CNOT10: variants seen among roughly 807,000 people sequenced by gnomAD.
The protein encoded by CNOT10 is CCR4-NOT transcription complex subunit 10.
Under a neutral mutation model 94.6 loss-of-function variants are expected in CNOT10, and 30 were observed. That is an observed-to-expected ratio of 0.32 (90% CI 0.24 to 0.43). The LOEUF is 0.43. Among genes scored for constraint, CNOT10 ranks in the 20% least tolerant of loss-of-function variants. The pLI is 1.00. For synonymous variants in CNOT10, 289 were observed against 301.6 expected, an observed-to-expected ratio of 0.96 and a Z score of 0.43; for missense variants, 759 against 877.2, an observed-to-expected ratio of 0.87 and a Z score of 1.70.
chr3:32,690,375 T>C (rs916139986), intron 1 of CNOT10, among the ~76,000 whole-genome samples: 4 of 152,036 alleles, frequency 2.6e-5, no homozygotes, highest in African/African-American at 9.7e-5. Context: ...GCTCTGAGTT[T>C]TTTGGTTTTT....
At chr3:32,723,391 CAAA>C (rs1192223954) in intron 8 of CNOT10, among the ~76,000 whole-genome samples, 2 of 80,334 alleles carry the variant, frequency 2.5e-5, no homozygotes, top group Non-Finnish European at 2.6e-5. Flanking sequence ...GACTCCGTCT[CAAA>C]AAAAAAAAAA....
chr3:32,773,400 T>A, intron 18 of CNOT10, 57 bp from the exon 19 acceptor site: 2 of 1,519,192 alleles, frequency 1.3e-6, no homozygotes, highest in Non-Finnish European at 1.8e-6. Flanking sequence ...CATGTCTTGC[T>A]TTGTGTGTGG....
intron 8 of CNOT10, among the ~76,000 whole-genome samples, chr3:32,721,959 T>TA (rs138339106): frequency 0.13 from 20,117 of 152,112 alleles, 1,448 homozygotes; most frequent in South Asian, 0.19. Flanking sequence ...GCCTATTACA[T>TA]ATTCTTGCCT....
At chr3:32,700,841 GA>G (rs1472800742) in intron 1 of CNOT10, among the ~76,000 whole-genome samples, 1 of 152,180 alleles carries the variant, frequency 6.6e-6, no homozygotes, top group Non-Finnish European at 1.5e-5. Flanking sequence ...TCCTTTTAAT[GA>G]TATTTCCATT....
At chr3:32,742,984 CTTTT>C (rs11425595) in intron 13 of CNOT10, among the ~76,000 whole-genome samples, 12 of 122,722 alleles carry the variant, frequency 9.8e-5, no homozygotes, top group African/African-American at 3.7e-4. Context: ...GAATACTAAT[CTTTT>C]TTTTTTTTTT....
At chr3:32,730,175 A>G (rs1364787759) in intron 10 of CNOT10, among the ~76,000 whole-genome samples, 1 of 152,112 alleles carries the variant, frequency 6.6e-6, no homozygotes, top group Non-Finnish European at 1.5e-5. Context: ...ATTTACTGGA[A>G]ACCAGGGAGT....
intron 18 of CNOT10, among the ~76,000 whole-genome samples, chr3:32,771,534 G>A (rs1443635100): frequency 1.3e-5 from 2 of 152,036 alleles, no homozygotes; most frequent in African/African-American, 4.8e-5. Flanking sequence ...TGGGAGGTGG[G>A]AGGTTGCAGT....
At chr3:32,763,466 CAT>C (rs1486679886) in intron 15 of CNOT10, among the ~76,000 whole-genome samples, 10 of 151,884 alleles carry the variant, frequency 6.6e-5, no homozygotes, top group Admixed American at 6.6e-4. Flanking sequence ...GCCTGGCCAA[CAT>C]AGTGAAACCC....
At chr3:32,740,748 G>T (rs571970645) in intron 13 of CNOT10, among the ~76,000 whole-genome samples, 1 of 152,046 alleles carries the variant, frequency 6.6e-6, no homozygotes, top group African/African-American at 2.4e-5. Flanking sequence ...TGTAGTCCCA[G>T]CTACGCGGGA....
At chr3:32,729,918 G>A (rs7634712) in intron 10 of CNOT10, among the ~76,000 whole-genome samples, 71,632 of 149,252 alleles carry the variant, frequency 0.48, 18,352 homozygotes, top group Non-Finnish European at 0.56. Context: ...ACAGGCGCCC[G>A]CCACTACGCC....
chr3:32,729,359 A>G (rs1173598461), intron 10 of CNOT10, among the ~76,000 whole-genome samples: 2 of 152,144 alleles, frequency 1.3e-5, no homozygotes, highest in African/African-American at 2.4e-5. Flanking sequence ...TAGGGGAAAG[A>G]CGGGTTGTGT....
At position 32,685,427 on chromosome 3, in the gene CNOT10, A is replaced by C; in HGVS notation, c.-34A>C. 3.2e-6 allele frequency: 5 copies of C among 1,549,754 alleles called. No individual in the cohort carries two copies. The highest frequency in any genetic ancestry group is 3.5e-6 in the Non-Finnish European group (4 of 1,146,516). On this transcript the variant is annotated 5_prime_UTR_variant, in exon 1 of 19. Coordinates refer to ENST00000328834, the MANE Select transcript of CNOT10 (RefSeq NM_015442.3). The stretch of plus-strand genomic sequence containing the variant: ...CGGCGGCGGGAGTCAGGGCCACGCC[A>C]CCTGCAGGGAAGAACCCGAGTCGAA...
chr3:32,744,172 C>A (rs1309321557), intron 13 of CNOT10, among the ~76,000 whole-genome samples: 3 of 152,114 alleles, frequency 2.0e-5, no homozygotes, highest in African/African-American at 4.8e-5. Flanking sequence ...GTGGCAGGAG[C>A]CAGCTGTCTT....
intron 8 of CNOT10, among the ~76,000 whole-genome samples, chr3:32,723,674 C>A (rs1311971006): frequency 6.6e-6 from 1 of 151,976 alleles, no homozygotes; most frequent in Non-Finnish European, 1.5e-5. Flanking sequence ...AACCAAGTCA[C>A]GAAACAAATG....
chr3:32,760,568 G>C (rs1363137086), intron 14 of CNOT10, among the ~76,000 whole-genome samples: 1 of 152,120 alleles, frequency 6.6e-6, no homozygotes, highest in South Asian at 2.1e-4. Flanking sequence ...GGGGGCGGAC[G>C]TTGCGGTGAG....
At chr3:32,712,831 A>G (rs986894476) in intron 4 of CNOT10, among the ~76,000 whole-genome samples, 2 of 152,158 alleles carry the variant, frequency 1.3e-5, no homozygotes, top group Admixed American at 1.3e-4. Context: ...ACAGTGAGAT[A>G]CCATCTCAGA....
intron 1 of CNOT10, chr3:32,695,674 T>C: frequency 6.5e-7 from 1 of 1,536,002 alleles, no homozygotes; most frequent in Non-Finnish European, 8.7e-7. Flanking sequence ...GTCAAAGAGC[T>C]CTGTACGCAT....
intron 18 of CNOT10, among the ~76,000 whole-genome samples, chr3:32,771,278 G>A (rs1211525312): frequency 4.0e-5 from 6 of 151,558 alleles, no homozygotes; most frequent in Non-Finnish European, 8.8e-5. Flanking sequence ...AGTGAACTGA[G>A]ATCATGCCAG....
In CNOT10 at chr3:32,706,917, T is replaced by C. The variant is rs911128759; in HGVS notation, c.280-1753T>C. 6.5e-4 allele frequency among the ~76,000 whole-genome samples: 99 copies of C among 152,250 alleles called. 1 individual carries two copies. Among genetic ancestry groups the C allele is most frequent in the Admixed American group, 5.2e-4 (8 of 15,292 alleles). On this transcript the variant is annotated intron_variant, in intron 3 of 18. Transcript: ENST00000328834. ...GGACCACTTGCTAACATTTGAACCA[T>C]GTCAAGCTTAACCACGTGGGTGGTT...
Sources: gnomAD v4.1 joint callset for allele counts (sites outside exome capture counted in the v4.1 genomes callset) on GRCh38, gnomAD v4.1.1 for gene constraint, MANE v1.5 for transcripts, NCBI Gene and HGNC (gene_info 2026-07-23, HGNC 2026-07-21) for gene names.